Variants in LARGE1 observed in about 807,000 individuals in gnomAD.
LARGE1 encodes xylosyl- and glucuronyltransferase LARGE1.
LARGE1 carries 43 observed loss-of-function variants against 87.6 expected under a neutral mutation model. The observed-to-expected ratio is 0.49, with a 90% CI of 0.38 to 0.63. The LOEUF (loss-of-function observed/expected upper bound fraction) is 0.63. Among genes scored for constraint, LARGE1 ranks in the 30% least tolerant of loss-of-function variants. LARGE1 has a pLI of 0.00. For synonymous variants in LARGE1, 434 were observed against 394.6 expected, an observed-to-expected ratio of 1.10 and a Z score of -1.18; for missense variants, 802 against 1,000.2, an observed-to-expected ratio of 0.80 and a Z score of 2.67.
chr22:33,885,735 A>T (rs1268749717), intron 1 of LARGE1, among the ~76,000 whole-genome samples: 19 of 152,152 alleles, frequency 1.2e-4, no homozygotes, highest in Admixed American at 1.2e-3. Flanking sequence ...CTCATAAAAG[A>T]TCATAAAAGA....
chr22:33,907,752 G>C (rs954383648), intron 1 of LARGE1, among the ~76,000 whole-genome samples: 2 of 151,950 alleles, frequency 1.3e-5, no homozygotes, highest in African/African-American at 4.8e-5. Context: ...CCGCCACCAC[G>C]CCCGGCTAAT....
At chr22:33,528,782 C>T (rs533190095) in intron 6 of LARGE1, among the ~76,000 whole-genome samples, 21 of 152,224 alleles carry the variant, frequency 1.4e-4, no homozygotes, top group African/African-American at 5.1e-4. Context: ...CCATCACGGC[C>T]GACAACTTAG....
chr22:33,720,805 A>T (rs991975530), intron 2 of LARGE1, among the ~76,000 whole-genome samples: 2 of 152,150 alleles, frequency 1.3e-5, no homozygotes, highest in Non-Finnish European at 2.9e-5. Context: ...TAAGCAAGGG[A>T]GTGTAGTGGC....
chr22:33,123,586 A>C, the LARGE1 span, among the ~76,000 whole-genome samples: 2 of 152,236 alleles, frequency 1.3e-5, no homozygotes, highest in Non-Finnish European at 2.9e-5. Context: ...TAGGTAGCAA[A>C]GCATTACAAA....
At chr22:33,284,858 C>A (rs1477062163) in intron 12 of LARGE1, among the ~76,000 whole-genome samples, 2 of 152,018 alleles carry the variant, frequency 1.3e-5, no homozygotes, top group South Asian at 2.1e-4. Flanking sequence ...TACAGGTGTG[C>A]ACCACTGCGC....
the LARGE1 span, among the ~76,000 whole-genome samples, chr22:33,120,366 C>CCT: frequency 7.1e-6 from 1 of 139,896 alleles, no homozygotes; most frequent in African/African-American, 2.6e-5. Flanking sequence ...CTTTTTCTTT[C>CCT]TTTCTTTCTT....
At chr22:33,341,984 G>T (rs924665540) in intron 9 of LARGE1, among the ~76,000 whole-genome samples, 1 of 152,172 alleles carries the variant, frequency 6.6e-6, no homozygotes, top group African/African-American at 2.4e-5. Context: ...GAGTAGAGAC[G>T]GCTGGCAGGG....
At chr22:33,606,415 A>G (rs1403464443) in intron 4 of LARGE1, among the ~76,000 whole-genome samples, 1 of 116,572 alleles carries the variant, frequency 8.6e-6, no homozygotes, top group African/African-American at 3.3e-5. Flanking sequence ...AAAATAAATA[A>G]ATAAAATAAA....
intron 11 of LARGE1, among the ~76,000 whole-genome samples, chr22:33,239,042 A>G (rs947423295): frequency 6.6e-6 from 1 of 152,090 alleles, no homozygotes; most frequent in Non-Finnish European, 1.5e-5. Flanking sequence ...AAACAAATAA[A>G]TTAAAACTTT....
chr22:33,276,956 T>C, intron 14 of LARGE1, 104 bp downstream of exon 14: 1 of 1,109,106 alleles, frequency 9.0e-7, no homozygotes. Flanking sequence ...CATATCTTGT[T>C]CCCTCTTAGC....
chr22:33,305,284 CAGGCAACTGTGCA>C (rs1934724885), intron 11 of LARGE1, among the ~76,000 whole-genome samples: 1 of 150,576 alleles, frequency 6.6e-6, no homozygotes, highest in Non-Finnish European at 1.5e-5. Context: ...CCCAGGGCGC[CAGGCAACTGTGCA>C]AGGCTACCTC....
At chr22:33,878,689 CT>C (rs1251104797) in intron 1 of LARGE1, among the ~76,000 whole-genome samples, 1 of 152,148 alleles carries the variant, frequency 6.6e-6, no homozygotes, top group Non-Finnish European at 1.5e-5. Flanking sequence ...TCAGCTCTTC[CT>C]GGTGCTCAAC....
intron 7 of LARGE1, among the ~76,000 whole-genome samples, chr22:33,424,377 C>T (rs1377232984): frequency 6.6e-6 from 1 of 152,130 alleles, no homozygotes; most frequent in Non-Finnish European, 1.5e-5. Flanking sequence ...GGTGTAGAAG[C>T]CATCTCTCAC....
At chr22:33,248,015 C>T (rs1246174005) in intron 11 of LARGE1, among the ~76,000 whole-genome samples, 1 of 152,140 alleles carries the variant, frequency 6.6e-6, no homozygotes, top group African/African-American at 2.4e-5. Flanking sequence ...CTCACTCTTG[C>T]CATTTCCTTT....
intron 5 of LARGE1, among the ~76,000 whole-genome samples, chr22:33,599,097 T>C (rs1185659598): frequency 6.6e-6 from 1 of 152,124 alleles, no homozygotes; most frequent in Non-Finnish European, 1.5e-5. Context: ...GGGGCTGTGG[T>C]CCATATCTTT....
intron 5 of LARGE1, among the ~76,000 whole-genome samples, chr22:33,582,342 T>A (rs1352894246): frequency 6.6e-6 from 1 of 152,046 alleles, no homozygotes; most frequent in Non-Finnish European, 1.5e-5. Flanking sequence ...ACACATTTTG[T>A]CTAAGTTTTG....
chr22:33,268,864 T>C (rs5998833), downstream of LARGE1, among the ~76,000 whole-genome samples: 1,479 of 152,324 alleles, frequency 9.7e-3, 30 homozygotes, highest in African/African-American at 0.034. Flanking sequence ...AATGTATACA[T>C]GTGGATGGTA....
At chr22:33,897,322 CA>C (rs2065171529) in intron 1 of LARGE1, among the ~76,000 whole-genome samples, 1 of 152,146 alleles carries the variant, frequency 6.6e-6, no homozygotes, top group South Asian at 2.1e-4. Flanking sequence ...TTTGCTCACC[CA>C]AAAAGCTGCA....
chr22:33,771,033 C>T (rs2085052972), intron 1 of LARGE1, among the ~76,000 whole-genome samples: 1 of 152,098 alleles, frequency 6.6e-6, no homozygotes, highest in Non-Finnish European at 1.5e-5. Flanking sequence ...ATGTCAATAT[C>T]CCCCACAGTC....
Sources: allele counts gnomAD v4.1 joint callset (sites outside exome capture counted in the v4.1 genomes callset), GRCh38; gene constraint gnomAD v4.1.1; transcripts MANE v1.5; gene names NCBI Gene and HGNC (gene_info 2026-07-23, HGNC 2026-07-21).